TRAPPC13: variants seen among roughly 807,000 people sequenced by gnomAD.
TRAPPC13 encodes the protein REV7-interacting novel NHEJ regulator 1.
TRAPPC13 carries 39 observed loss-of-function variants against 54.0 expected under a neutral mutation model. The observed-to-expected ratio is 0.72, with a 90% CI of 0.56 to 0.94. TRAPPC13 has a LOEUF of 0.94. Ranked by LOEUF, TRAPPC13 falls within the 40% of genes least tolerant of loss-of-function variation. The probability of loss-of-function intolerance (pLI) is 0.00; values close to 1 mark genes in which losing one functional copy is unlikely to be tolerated. For missense variants in TRAPPC13, 386 were observed against 488.1 expected, an observed-to-expected ratio of 0.79 and a Z score of 1.97; for synonymous variants, 148 against 167.7, an observed-to-expected ratio of 0.88 and a Z score of 0.91.
chr5:65,643,256 C>T (rs1227531143), intron 4 of TRAPPC13, among the ~76,000 whole-genome samples: 1 of 151,782 alleles, frequency 6.6e-6, no homozygotes, highest in Admixed American at 6.6e-5. Flanking sequence ...ATGGAACTTA[C>T]TGATGATGTC....
chr5:65,657,390 A>T (rs1325438737), intron 8 of TRAPPC13, among the ~76,000 whole-genome samples: 1 of 152,154 alleles, frequency 6.6e-6, no homozygotes, highest in African/African-American at 2.4e-5. Context: ...AAAAAAATAA[A>T]AAGCTCTTAA....
intron 3 of TRAPPC13, among the ~76,000 whole-genome samples, chr5:65,637,187 A>G (rs1463650644): frequency 1.3e-5 from 2 of 152,214 alleles, no homozygotes; most frequent in South Asian, 2.1e-4. Flanking sequence ...ATCATGTTCT[A>G]TAGATTACGT....
intron 5 of TRAPPC13, among the ~76,000 whole-genome samples, chr5:65,648,340 T>C (rs901100959): frequency 1.3e-5 from 2 of 152,232 alleles, no homozygotes; most frequent in African/African-American, 4.8e-5. Context: ...TTGTATCTTC[T>C]ATAGCACCCA....
At chr5:65,640,579 A>G (rs1326270441) in intron 4 of TRAPPC13, among the ~76,000 whole-genome samples, 1 of 152,224 alleles carries the variant, frequency 6.6e-6, no homozygotes, top group Admixed American at 6.5e-5. Flanking sequence ...CAACCTCTAC[A>G]TTCGATTGTG....
At chr5:65,647,222 A>G in intron 5 of TRAPPC13, 40 bp downstream of exon 5, 1 of 1,526,036 alleles carries the variant, frequency 6.6e-7, no homozygotes, top group Non-Finnish European at 8.8e-7. Flanking sequence ...GTTTTTACTT[A>G]TATATGCCTT....
intron 4 of TRAPPC13, among the ~76,000 whole-genome samples, chr5:65,645,179 CA>C (rs1189150893): frequency 1.9e-5 from 2 of 106,964 alleles, no homozygotes; most frequent in Non-Finnish European, 3.7e-5. Flanking sequence ...GCCTGGGCAA[CA>C]AGAGTGAAAC....
chr5:65,625,137 T>G, intron 1 of TRAPPC13, 31 bp downstream of exon 1: 1 of 1,595,122 alleles, frequency 6.3e-7, no homozygotes. Context: ...TTCCCCCTTT[T>G]CTGTTTCCTT....
At chr5:65,639,271 G>T (rs1755878419) in intron 4 of TRAPPC13, among the ~76,000 whole-genome samples, 1 of 151,930 alleles carries the variant, frequency 6.6e-6, no homozygotes, top group Admixed American at 6.6e-5. Context: ...CATATCAGTA[G>T]CCATACAATA....
chr5:65,658,108 G>T, intron 8 of TRAPPC13: 1 of 293,692 alleles, frequency 3.4e-6, no homozygotes. Context: ...TAAGTATTTT[G>T]GGATGTTAAG....
chr5:65,630,021 T>G, intron 1 of TRAPPC13: 1 of 1,536,018 alleles, frequency 6.5e-7, no homozygotes, highest in Non-Finnish European at 8.7e-7. Flanking sequence ...ACTAAAAACG[T>G]TTCTCCTTTG....
chr5:65,647,138 T>C lies in TRAPPC13; in HGVS notation c.384T>C (p.Ile128=), dbSNP rs531915793. The C allele has an allele frequency of 7.0e-6, 11 of 1,579,940 alleles. No homozygotes were observed. In the Admixed American group the frequency reaches 1.1e-4, roughly 16 times the overall value. The change falls in exon 5 of 13, where the codon ATT becomes ATC. Residue 128 remains isoleucine, a synonymous_variant. Transcript: ENST00000399438. The part of the protein sequence containing the change: ...AVAELKPDCC[I]DDVIHHEVKE... Reference sequence around the variant, plus strand: ...CTGAACTTAAACCGGATTGTTGTATTGATGATGTCATACATCATGAAGTCA... The same window carrying C: ...CTGAACTTAAACCGGATTGTTGTATCGATGATGTCATACATCATGAAGTCA...
At chr5:65,640,143 T>G (rs1755908375) in intron 4 of TRAPPC13, among the ~76,000 whole-genome samples, 1 of 152,216 alleles carries the variant, frequency 6.6e-6, no homozygotes, top group African/African-American at 2.4e-5. Flanking sequence ...AGACCAAATT[T>G]GGTCCATTGT....
chr5:65,646,038 G>C (rs1251918619), intron 4 of TRAPPC13, among the ~76,000 whole-genome samples: 1 of 152,104 alleles, frequency 6.6e-6, no homozygotes, highest in African/African-American at 2.4e-5. Flanking sequence ...AGCAAGAGAA[G>C]ACGAGGTTCC....
chr5:65,649,857 A>AT lies in TRAPPC13; in HGVS notation c.429-936dup, dbSNP rs34497762. On this transcript the variant is annotated intron_variant, in intron 5 of 12. Transcript: ENST00000399438. ...CATTTATGTTAAGAAATCTATCTGTATTTTTTTTTTTTTTTTTGAGATGGA... is the reference window on the plus strand; with the variant it reads ...CATTTATGTTAAGAAATCTATCTGTATTTTTTTTTTTTTTTTTTGAGATGGA... Among the ~76,000 whole-genome samples the AT allele has an allele frequency of 5.3e-3, 715 of 134,240 alleles. 5 individuals are homozygous for AT. Among genetic ancestry groups the AT allele is most frequent in the African/African-American group, 0.014 (503 of 36,354 alleles). The allele number at this position is 134,240 out of a possible 152,430, so 88.1% of individuals were successfully genotyped here. A position where few individuals can be genotyped will look rare whatever the true frequency, so the allele number is the denominator to read the frequency against.
intron 1 of TRAPPC13, among the ~76,000 whole-genome samples, chr5:65,628,660 C>T (rs1012207963): frequency 8.6e-5 from 13 of 151,528 alleles, no homozygotes; most frequent in African/African-American, 2.4e-4. Flanking sequence ...TTAGTAGAGC[C>T]GGAGTTTCAC....
At chr5:65,627,997 C>T (rs1561759925) in intron 1 of TRAPPC13, among the ~76,000 whole-genome samples, 1 of 152,128 alleles carries the variant, frequency 6.6e-6, no homozygotes, top group African/African-American at 2.4e-5. Flanking sequence ...AAGTAATTCT[C>T]TAATGATTTT....
chr5:65,629,765 A>T, intron 1 of TRAPPC13: 3 of 1,536,090 alleles, frequency 2.0e-6, no homozygotes, highest in Non-Finnish European at 2.6e-6. Flanking sequence ...ACCACCTGTG[A>T]TTTCTGAAGA....
Position 65,660,819 on chromosome 5 carries a change from A to G in TRAPPC13, c.819A>G (p.Val273=). Reference sequence around the variant, plus strand: ...CAGGCATCATTAAGGGAGTAACAGTAATTGGAAAATTGGATATAGTATGGA... The same window carrying G: ...CAGGCATCATTAAGGGAGTAACAGTGATTGGAAAATTGGATATAGTATGGA... ...EKAGIIKGVT[V]IGKLDIVWKT... Residue 273 remains valine, a synonymous_variant, in exon 10 of 13, where the codon GTA becomes GTG. Transcript: ENST00000399438. 6.2e-7 allele frequency: 1 copy of G among 1,613,782 alleles called. No homozygotes were observed. The highest frequency in any genetic ancestry group is 8.5e-7 in the Non-Finnish European group (1 of 1,179,766).
At chr5:65,636,928 A>G (rs1405820157) in intron 3 of TRAPPC13, among the ~76,000 whole-genome samples, 2 of 152,222 alleles carry the variant, frequency 1.3e-5, no homozygotes, top group Admixed American at 1.3e-4. Context: ...AAAAGTATAA[A>G]ACTAAAATAA....
Sources: gnomAD v4.1 joint callset for allele counts (sites outside exome capture counted in the v4.1 genomes callset) on GRCh38, gnomAD v4.1.1 for gene constraint, MANE v1.5 for transcripts, NCBI Gene and HGNC (gene_info 2026-07-23, HGNC 2026-07-21) for gene names.